The following MAP4K4 variants were observed in gnomAD, a reference collection of about 807,000 sequenced individuals.
MAP4K4 encodes mitogen-activated protein kinase kinase kinase kinase 4, also known as HPK/GCK-like kinase HGK.
In MAP4K4, 38 loss-of-function variants were observed where a neutral mutation model predicts 189.6. That is an observed-to-expected ratio of 0.20 (90% confidence interval 0.15 to 0.26). The LOEUF is 0.26. MAP4K4 is among the 10% of genes least tolerant of loss of function. MAP4K4 has a pLI of 1.00. For missense variants in MAP4K4, 1,054 were observed against 1,726.9 expected (o/e 0.61, Z 6.91); for synonymous variants, 610 against 624.3 (o/e 0.98, Z 0.34).
At chr2:101,722,922 A>G (rs746137923) in intron 2 of MAP4K4, among the ~76,000 whole-genome samples, 1 of 152,132 alleles carries the variant, frequency 6.6e-6, no homozygotes, top group Non-Finnish European at 1.5e-5. Flanking sequence ...GCTATAGAGA[A>G]CTCCCTGAGA....
chr2:101,719,878 G>C (rs898464212), intron 2 of MAP4K4, among the ~76,000 whole-genome samples: 1 of 151,978 alleles, frequency 6.6e-6, no homozygotes, highest in Admixed American at 6.6e-5. Context: ...CGGGCGTGGT[G>C]GCGGGCGCCT....
At chr2:101,760,234 T>C (rs1477370206) in intron 2 of MAP4K4, among the ~76,000 whole-genome samples, 7 of 152,068 alleles carry the variant, frequency 4.6e-5, no homozygotes. Context: ...CTCACCCCTG[T>C]AATCCCAGCA....
intron 3 of MAP4K4, among the ~76,000 whole-genome samples, chr2:101,804,621 C>T (rs1224902333): frequency 6.6e-6 from 1 of 152,026 alleles, no homozygotes; most frequent in Admixed American, 6.6e-5. Context: ...CTAGACATTC[C>T]CAGACACTTT....
chr2:101,725,662 C>G (rs1365156608), intron 2 of MAP4K4, among the ~76,000 whole-genome samples: 2 of 152,150 alleles, frequency 1.3e-5, no homozygotes, highest in Non-Finnish European at 2.9e-5. Context: ...GGCTTCAAGT[C>G]TGTAAGATGA....
In MAP4K4 at chr2:101,698,552, C is replaced by T; in HGVS notation, c.123+14C>T. 6.2e-7 allele frequency: 1 copy of T among 1,611,754 alleles called. No individual in the cohort carries two copies. The highest frequency in any genetic ancestry group is 8.5e-7 in the Non-Finnish European group (1 of 1,178,376). On this transcript the variant is annotated intron_variant, in intron 2 of 32. Coordinates refer to ENST00000324219, the Ensembl canonical transcript of MAP4K4. The stretch of plus-strand genomic sequence containing the variant: ...CAAGTCTATAAGGTCGGTGTGGGCG[C>T]CTTCTTTGTTTCCCGTGGCATGTGG...
rs1246106173 is a variant in MAP4K4, at chr2:101,829,491, C to T, written c.418-13C>T. On this transcript the variant is annotated splice_polypyrimidine_tract_variant and intron_variant, in intron 5 of 32. Coordinates refer to ENST00000324219, the Ensembl canonical transcript of MAP4K4. ...ACAGAAAACTAAAATTCAGGTCTGT[C>T]TTTCCTATTCAGGGACTGGCACATC... 1.3e-6 allele frequency: 2 copies of T among 1,589,208 alleles called. No homozygotes were observed. The highest frequency in any genetic ancestry group is 1.7e-6 in the Non-Finnish European group (2 of 1,162,718).
At chr2:101,808,664 T>C (rs1436381285) in intron 3 of MAP4K4, among the ~76,000 whole-genome samples, 1 of 151,986 alleles carries the variant, frequency 6.6e-6, no homozygotes, top group Non-Finnish European at 1.5e-5. Context: ...TTTCTTAATT[T>C]TTACTTTCTA....
chr2:101,887,886 A>AG lies in MAP4K4; in HGVS notation c.3882dup (p.Ile1295AspfsTer59). The AG allele has an allele frequency of 6.2e-7, 1 of 1,612,462 alleles. No individual in the cohort carries two copies. The highest frequency in any genetic ancestry group is 1.7e-5 in the Admixed American group (1 of 59,904). On this transcript the variant is annotated frameshift_variant, in exon 31 of 33. Coordinates refer to ENST00000324219, the Ensembl canonical transcript of MAP4K4. LOFTEE classifies it high-confidence loss of function. ...GGGGGTTTATGTAAACACATATGGA[A>AG]GGATCACCAAGGATGTAGTTCTACA...
At chr2:101,835,371 C>CT (rs1359826953) in intron 8 of MAP4K4, among the ~76,000 whole-genome samples, 10 of 152,160 alleles carry the variant, frequency 6.6e-5, no homozygotes, top group Non-Finnish European at 1.3e-4. Context: ...CCTAACACAC[C>CT]TTTATTGGGT....
At chr2:101,735,602 C>T (rs923798630) in intron 2 of MAP4K4, among the ~76,000 whole-genome samples, 1 of 152,092 alleles carries the variant, frequency 6.6e-6, no homozygotes, top group African/African-American at 2.4e-5. Flanking sequence ...AAAAGGTGGG[C>T]TGGGGCCTGC....
rs556044848 is a variant in MAP4K4 at position 101,786,507 on chromosome 2, C to T, written c.124-4213C>T. 5.9e-5 allele frequency among the ~76,000 whole-genome samples: 9 copies of T among 152,252 alleles called. No individual in the cohort carries two copies. In the East Asian group the frequency reaches 1.7e-3, roughly 29 times the overall value. The stretch of plus-strand genomic sequence containing the variant: ...GGATAACGGTTCTGGTTATTTGAGC[C>T]ATTCAAGCTACGTGAAATGATGTTG... On this transcript the variant is annotated intron_variant, in intron 2 of 32. Coordinates refer to ENST00000324219, the Ensembl canonical transcript of MAP4K4.
intron 2 of MAP4K4, among the ~76,000 whole-genome samples, chr2:101,719,837 C>T (rs2149423129): frequency 6.6e-6 from 1 of 151,974 alleles, no homozygotes; most frequent in South Asian, 2.1e-4. Context: ...TATGGTGAAA[C>T]CCCGTCTCTA....
chr2:101,847,312 T>C (rs1183006931), intron 12 of MAP4K4, among the ~76,000 whole-genome samples: 1 of 152,236 alleles, frequency 6.6e-6, no homozygotes, highest in Non-Finnish European at 1.5e-5. Context: ...ATCATTATTT[T>C]AGAGTGTACT....
intron 26 of MAP4K4, among the ~76,000 whole-genome samples, chr2:101,875,199 G>GAT (rs568824815): frequency 9.2e-4 from 140 of 152,274 alleles, no homozygotes; most frequent in African/African-American, 3.3e-3. Flanking sequence ...AACTTGCCTA[G>GAT]ATATATGCAG....
At chr2:101,772,075 A>G (rs944344734) in intron 2 of MAP4K4, among the ~76,000 whole-genome samples, 1 of 152,240 alleles carries the variant, frequency 6.6e-6, no homozygotes, top group African/African-American at 2.4e-5. Flanking sequence ...TTGTTCTGCC[A>G]GGGTTCAAAA....
At chr2:101,781,569 CT>C (rs905355996) in intron 2 of MAP4K4, among the ~76,000 whole-genome samples, 7 of 152,068 alleles carry the variant, frequency 4.6e-5, no homozygotes, top group Non-Finnish European at 8.8e-5. Context: ...TGAACTTCCC[CT>C]TTTATAATAA....
At chr2:101,798,667 A>G (rs540014892) in intron 3 of MAP4K4, among the ~76,000 whole-genome samples, 1 of 152,318 alleles carries the variant, frequency 6.6e-6, no homozygotes, top group Non-Finnish European at 1.5e-5. Context: ...AGTGGTACCT[A>G]ACAAGATGCA....
intron 2 of MAP4K4, among the ~76,000 whole-genome samples, chr2:101,745,793 A>G (rs2065179892): frequency 6.6e-6 from 1 of 151,428 alleles, no homozygotes. Context: ...AGCTTGTAAA[A>G]CACTGCCCTA....
intron 3 of MAP4K4, among the ~76,000 whole-genome samples, chr2:101,814,916 C>A (rs1253795383): frequency 6.6e-6 from 1 of 152,150 alleles, no homozygotes; most frequent in Non-Finnish European, 1.5e-5. Flanking sequence ...GAAATTGGGG[C>A]TTTGCTTCTA....
Sources: allele counts gnomAD v4.1 joint callset (sites outside exome capture counted in the v4.1 genomes callset), GRCh38; gene constraint gnomAD v4.1.1; transcripts MANE v1.5; gene names NCBI Gene and HGNC (gene_info 2026-07-23, HGNC 2026-07-21).